The following PTPRC variants were observed in gnomAD, a reference collection of about 807,000 sequenced individuals.
PTPRC encodes the protein protein tyrosine phosphatase receptor type C.
PTPRC carries 44 observed loss-of-function variants against 155.9 expected under a neutral mutation model. The observed-to-expected ratio is 0.28, with a 90% CI of 0.22 to 0.36. PTPRC has a LOEUF of 0.36. Ranked by LOEUF, PTPRC falls within the 10% of genes least tolerant of loss-of-function variation. The pLI is 1.00. For synonymous variants in PTPRC, 525 were observed against 533.1 expected (o/e 0.98, Z 0.21); for missense variants, 1,401 against 1,564.6 (o/e 0.90, Z 1.76).
chr1:198,712,887 A>C, intron 11 of PTPRC, 66 bp from the exon 12 acceptor site: 1 of 1,473,318 alleles, frequency 6.8e-7, no homozygotes, highest in Non-Finnish European at 9.5e-7. Context: ...GCATGCTTAT[A>C]ATATGAAGAA....
intron 2 of PTPRC, among the ~76,000 whole-genome samples, chr1:198,674,905 T>TAA (rs1664862337): frequency 6.6e-6 from 1 of 152,204 alleles, no homozygotes; most frequent in East Asian, 1.9e-4. Context: ...AAATTACAGC[T>TAA]TTCATTTGAA....
At chr1:198,655,431 A>T (rs933247209) in intron 2 of PTPRC, among the ~76,000 whole-genome samples, 14 of 152,068 alleles carry the variant, frequency 9.2e-5, no homozygotes, top group African/African-American at 3.4e-4. Flanking sequence ...TTACACCAAA[A>T]ATGAGGGAAC....
intron 14 of PTPRC, among the ~76,000 whole-genome samples, chr1:198,720,154 T>C (rs1381677007): frequency 6.6e-6 from 1 of 152,102 alleles, no homozygotes; most frequent in Non-Finnish European, 1.5e-5. Context: ...CAACAGCCTA[T>C]TATTGTCTTT....
At chr1:198,693,745 T>C (rs557773679) in intron 3 of PTPRC, among the ~76,000 whole-genome samples, 1 of 152,366 alleles carries the variant, frequency 6.6e-6, no homozygotes, top group South Asian at 2.1e-4. Flanking sequence ...GGTTTTCTAA[T>C]TTTAAATTCT....
chr1:198,675,171 G>GA (rs1257616950), intron 2 of PTPRC, among the ~76,000 whole-genome samples: 10 of 151,690 alleles, frequency 6.6e-5, no homozygotes, highest in African/African-American at 2.2e-4. Context: ...GAATTTGAAA[G>GA]AAAAAAATGA....
chr1:198,715,153 C>G (rs945410881), intron 12 of PTPRC, among the ~76,000 whole-genome samples: 1 of 152,070 alleles, frequency 6.6e-6, no homozygotes, highest in Non-Finnish European at 1.5e-5. Context: ...GAGGGAGTCT[C>G]CCTCTGTCGC....
At chr1:198,681,389 A>C (rs1254279041) in intron 2 of PTPRC, among the ~76,000 whole-genome samples, 1 of 152,156 alleles carries the variant, frequency 6.6e-6, no homozygotes, top group Non-Finnish European at 1.5e-5. Context: ...CTTTCTTGAG[A>C]CTATCAAGTG....
Position 198,756,111 on chromosome 1 carries a change from CGAGTGGCACT to C in PTPRC, c.3855_3864del (p.Ser1285ArgfsTer15), listed in dbSNP as rs1655641778. 3 of 1,613,374 alleles carry C rather than the reference CGAGTGGCACT, an allele frequency of 1.9e-6. No homozygotes were observed. On this transcript the variant is annotated frameshift_variant, in exon 33 of 33. Transcript: ENST00000442510. LOFTEE classifies it low-confidence loss of function (END_TRUNC). Reference sequence around the variant, plus strand: ...GAACAGGCTGAAGGTTCTGAACCCACGAGTGGCACTGAGGGGCCAGAACATTCTGTCAATG... The same window carrying C: ...GAACAGGCTGAAGGTTCTGAACCCACGAGGGGCCAGAACATTCTGTCAATG...
intron 26 of PTPRC, 150 bp from the exon 27 acceptor site, chr1:198,747,959 A>C: frequency 2.6e-6 from 3 of 1,155,084 alleles, no homozygotes; most frequent in South Asian, 3.2e-5. Context: ...AAAAAAAATC[A>C]GAGGCAAACC....
intron 20 of PTPRC, 87 bp downstream of exon 20, chr1:198,732,643 A>T: frequency 9.2e-7 from 1 of 1,090,882 alleles, no homozygotes; most frequent in Non-Finnish European, 1.4e-6. Context: ...ATATTATTAA[A>T]AATATTTTGA....
chr1:198,663,940 A>T (rs1477413226), intron 2 of PTPRC, among the ~76,000 whole-genome samples: 1 of 151,966 alleles, frequency 6.6e-6, no homozygotes, highest in Non-Finnish European at 1.5e-5. Flanking sequence ...AAAGCAAAAT[A>T]TTTTTTCTAT....
At chr1:198,676,272 G>C (rs1664944934) in intron 2 of PTPRC, among the ~76,000 whole-genome samples, 1 of 152,180 alleles carries the variant, frequency 6.6e-6, no homozygotes, top group Admixed American at 6.5e-5. Context: ...ATAAGCATTA[G>C]GTGTTCTTTT....
At chr1:198,673,851 G>C (rs910854330) in intron 2 of PTPRC, among the ~76,000 whole-genome samples, 4 of 152,216 alleles carry the variant, frequency 2.6e-5, no homozygotes, top group Admixed American at 2.6e-4. Flanking sequence ...GTTGTAGAAA[G>C]CTAATCTAAA....
At chr1:198,693,139 T>C in intron 3 of PTPRC, 1 of 943,492 alleles carries the variant, frequency 1.1e-6, no homozygotes, top group Non-Finnish European at 1.3e-6. Flanking sequence ...CTAACGTACA[T>C]TCAACAGATC....
At chr1:198,673,224 C>G (rs975541180) in intron 2 of PTPRC, among the ~76,000 whole-genome samples, 1 of 152,082 alleles carries the variant, frequency 6.6e-6, no homozygotes, top group East Asian at 1.9e-4. Context: ...GGCATTCTTT[C>G]TCTCTGCTTC....
At chr1:198,752,557 T>C (rs1655432189) in intron 30 of PTPRC, 37 bp from the exon 31 acceptor site, 2 of 1,593,250 alleles carry the variant, frequency 1.3e-6, no homozygotes, top group South Asian at 2.2e-5. Flanking sequence ...AAGCTGAACT[T>C]CACTCCAGTT....
intron 14 of PTPRC, among the ~76,000 whole-genome samples, chr1:198,722,212 T>C (rs1571870120): frequency 6.6e-6 from 1 of 150,652 alleles, no homozygotes; most frequent in South Asian, 2.1e-4. Context: ...CTAAGTGAGA[T>C]AAGATATCTT....
chr1:198,726,199 T>C (rs1285782390), intron 15 of PTPRC, among the ~76,000 whole-genome samples: 1 of 152,208 alleles, frequency 6.6e-6, no homozygotes, highest in African/African-American at 2.4e-5. Context: ...AAGTTAGATG[T>C]TGCCTCTGAT....
At chr1:198,713,206 T>G in intron 12 of PTPRC, 134 bp downstream of exon 12, 1 of 1,250,482 alleles carries the variant, frequency 8.0e-7, no homozygotes, top group Non-Finnish European at 1.1e-6. Flanking sequence ...CTCCCTGATC[T>G]TAGAATTGCT....
Sources: allele counts gnomAD v4.1 joint callset (sites outside exome capture counted in the v4.1 genomes callset), GRCh38; gene constraint gnomAD v4.1.1; transcripts MANE v1.5; gene names NCBI Gene and HGNC (gene_info 2026-07-23, HGNC 2026-07-21).